The following IL17RB variants were observed in gnomAD, a reference collection of about 807,000 sequenced individuals.
IL17RB encodes the protein interleukin 17 receptor B, also known as interleukin-17 receptor B.
IL17RB carries 36 observed loss-of-function variants against 43.9 expected under a neutral mutation model. The observed-to-expected ratio is 0.82, with a 90% CI of 0.63 to 1.08. The LOEUF is 1.08. Among genes scored for constraint, IL17RB ranks in the 50% least tolerant of loss-of-function variants. The pLI is 0.00. For synonymous variants in IL17RB, 225 were observed against 225.4 expected (o/e 1.00, Z 0.02); for missense variants, 613 against 613.6 (o/e 1.00, Z 0.01).
intron 5 of IL17RB, 126 bp downstream of exon 5, chr3:53,853,123 T>G (rs989323193): frequency 1.9e-6 from 2 of 1,044,356 alleles, no homozygotes; most frequent in Non-Finnish European, 2.9e-6. Flanking sequence ...TTCCCTTATC[T>G]AAAGCATGGA....
rs534027641 is a variant in IL17RB, at chr3:53,860,143, G to A, written c.861G>A (p.Pro287=). ...PFPLDNNKSK[P]GGWLPLLLLS... ...TGTTTTTTCCAGACAAAAGCAAGCCGGGAGGCTGGCTGCCTCTCCTCCTGC... is the reference window on the plus strand; with the variant it reads ...TGTTTTTTCCAGACAAAAGCAAGCCAGGAGGCTGGCTGCCTCTCCTCCTGC... Residue 287 remains proline, a synonymous_variant, in exon 10 of 11, where the codon CCG becomes CCA. Coordinates refer to ENST00000288167, the MANE Select transcript of IL17RB (RefSeq NM_018725.4). The A allele has an allele frequency of 9.9e-6, 16 of 1,613,568 alleles. No homozygotes were observed. The highest frequency in any genetic ancestry group is 1.7e-4 in the Middle Eastern group (1 of 6,030).
At chr3:53,855,495 C>T (rs916556672) in intron 6 of IL17RB, among the ~76,000 whole-genome samples, 154 bp downstream of exon 6, 10 of 152,198 alleles carry the variant, frequency 6.6e-5, no homozygotes, top group Admixed American at 6.5e-4. Flanking sequence ...CCTATGGCTC[C>T]TGATCTCCAG....
intron 10 of IL17RB, chr3:53,861,655 G>C (rs1470791663): frequency 1.3e-5 from 2 of 152,210 alleles, no homozygotes; most frequent in Non-Finnish European, 2.9e-5. Flanking sequence ...AGAATTTAAT[G>C]CCAGTAAAGG....
At chr3:53,850,499 C>CAAA (rs57986255) in intron 3 of IL17RB, among the ~76,000 whole-genome samples, 14 of 81,892 alleles carry the variant, frequency 1.7e-4, no homozygotes, top group East Asian at 5.9e-4. Context: ...AACTCCGTCT[C>CAAA]AAAAAAAAAA....
Position 53,855,356 on chromosome 3 carries a change from C to A in IL17RB, c.529+15C>A. On this transcript the variant is annotated intron_variant, in intron 6 of 10. Transcript: ENST00000288167. The stretch of plus-strand genomic sequence containing the variant: ...TGTCAAGGCCGGTAAGTAAATACGG[C>A]ATTTGCTTTTATTATTTGAAGAAAC... 1.3e-6 allele frequency: 2 copies of A among 1,562,648 alleles called. No homozygotes were observed. The highest frequency in any genetic ancestry group is 1.4e-5 in the African/African-American group (1 of 73,906).
At chr3:53,854,227 A>C (rs576462542) in intron 5 of IL17RB, among the ~76,000 whole-genome samples, 2 of 152,270 alleles carry the variant, frequency 1.3e-5, no homozygotes, top group South Asian at 4.1e-4. Flanking sequence ...ATTTACAGAA[A>C]AGTTGCAAAG....
Position 53,851,872 on chromosome 3 carries a change from T to G in IL17RB, c.227-127T>G, listed in dbSNP as rs1206847649. Reference sequence around the variant, plus strand: ...TCTGTAAACTGGAGACAGTGGTGCCTACCTTTCAGTACTATTGTGAATATG... The same window carrying G: ...TCTGTAAACTGGAGACAGTGGTGCCGACCTTTCAGTACTATTGTGAATATG... On this transcript the variant is annotated intron_variant, in intron 3 of 10. Coordinates refer to ENST00000288167, the MANE Select transcript of IL17RB (RefSeq NM_018725.4). The G allele has an allele frequency of 3.7e-6, 4 of 1,080,514 alleles. No individual in the cohort carries two copies. The East Asian group carries it at 1.0e-4, about 28-fold the overall frequency. The allele number at this position is 1,080,514 out of a possible 1,614,324, so 66.9% of individuals were successfully genotyped here. A position where few individuals can be genotyped will look rare whatever the true frequency, so the allele number is the denominator to read the frequency against.
At chr3:53,851,962 G>A in intron 3 of IL17RB, 37 bp from the exon 4 acceptor site, 1 of 1,613,266 alleles carries the variant, frequency 6.2e-7, no homozygotes, top group Non-Finnish European at 8.5e-7. Context: ...CACAGCAAGT[G>A]CTAAATAAAC....
intron 8 of IL17RB, chr3:53,857,920 A>G: frequency 1.9e-6 from 1 of 526,704 alleles, no homozygotes; most frequent in East Asian, 3.1e-5. Context: ...TGACCTTCCA[A>G]AGCACTTTTT....
At chr3:53,863,722 C>T (rs1361811924) in intron 10 of IL17RB, among the ~76,000 whole-genome samples, 1 of 152,122 alleles carries the variant, frequency 6.6e-6, no homozygotes, top group Non-Finnish European at 1.5e-5. Flanking sequence ...CAAGCAACTA[C>T]CTAATTGACC....
chr3:53,864,265 G>A (rs889178991), intron 10 of IL17RB, among the ~76,000 whole-genome samples: 1 of 152,200 alleles, frequency 6.6e-6, no homozygotes, highest in African/African-American at 2.4e-5. Context: ...GGCAGGGTGC[G>A]GTGGCTCACG....
At position 53,865,305 on chromosome 3, in the gene IL17RB, G is replaced by A. The variant is rs1268277931; in HGVS notation, c.1506G>A (p.Leu502=). Residue 502 remains leucine, a synonymous_variant, in exon 11 of 11, where the codon TTG becomes TTA. Coordinates refer to ENST00000288167, the MANE Select transcript of IL17RB (RefSeq NM_018725.4). ...SQACHDGCCS[L] is the part of the protein sequence containing the mutation. ...CCTGCCACGATGGCTGCTGCTCCTT[G>A]TAGCCCACCCATGAGAAGCAAGAGA... 1 of 1,601,014 alleles carries A rather than the reference G, an allele frequency of 6.2e-7. No individual in the cohort carries two copies. The highest frequency in any genetic ancestry group is 1.7e-5 in the Admixed American group (1 of 59,836).
chr3:53,865,200 C>T lies in IL17RB; in HGVS notation c.1401C>T (p.His467=). ...YNALSVCPKY[H]LMKDATAFCA... is the part of the protein sequence containing the mutation. ...CTCTCAGTGTCTGCCCCAAGTACCACCTCATGAAGGATGCCACTGCTTTCT... is the reference window on the plus strand; with the variant it reads ...CTCTCAGTGTCTGCCCCAAGTACCATCTCATGAAGGATGCCACTGCTTTCT... Residue 467 remains histidine, a synonymous_variant, in exon 11 of 11, where the codon CAC becomes CAT. Transcript: ENST00000288167. 6.2e-7 allele frequency: 1 copy of T among 1,614,054 alleles called. No individual in the cohort carries two copies. Among genetic ancestry groups the T allele is most frequent in the Non-Finnish European group, 8.5e-7 (1 of 1,179,996 alleles).
At position 53,865,418 on chromosome 3, in the gene IL17RB, A is replaced by T; in HGVS notation, c.*110A>T. 1.3e-6 allele frequency: 1 copy of T among 796,136 alleles called. No individual in the cohort carries two copies. The highest frequency in any genetic ancestry group is 1.9e-6 in the Non-Finnish European group (1 of 526,392). 49.3% of individuals were successfully genotyped at this position (796,136 alleles called of 1,614,324 possible). On this transcript the variant is annotated 3_prime_UTR_variant, in exon 11 of 11. Coordinates refer to ENST00000288167, the MANE Select transcript of IL17RB (RefSeq NM_018725.4). The stretch of plus-strand genomic sequence containing the variant: ...TATGCAGCCTACAAACAGCCTTAGT[A>T]ATTAAAACATTTTATACCAATAAAA...
chr3:53,858,990 A>C (rs911427233), intron 9 of IL17RB, 172 bp downstream of exon 9: 47 of 515,748 alleles, frequency 9.1e-5, no homozygotes, highest in African/African-American at 8.8e-4. Context: ...GAGAACCTAG[A>C]ATCTGAGTAA....
At chr3:53,852,209 A>G in intron 4 of IL17RB, 83 bp downstream of exon 4, 1 of 1,246,796 alleles carries the variant, frequency 8.0e-7, no homozygotes, top group African/African-American at 1.5e-5. Flanking sequence ...TGGTGCGATC[A>G]TGGCTCACTG....
intron 1 of IL17RB, among the ~76,000 whole-genome samples, chr3:53,847,648 G>T (rs1485441748): frequency 6.6e-6 from 1 of 152,012 alleles, no homozygotes; most frequent in Non-Finnish European, 1.5e-5. Flanking sequence ...ACAAAAAGTA[G>T]CCGGGCATGG....
chr3:53,846,608 G>T lies in IL17RB; in HGVS notation c.20G>T (p.Ser7Ile). Residue 7 changes from serine (S) to isoleucine (I), a missense_variant, in exon 1 of 11, where the codon AGC (serine) becomes ATC (isoleucine). Ser to Ile is a moderately radical substitution (Grantham distance 142). Transcript: ENST00000288167. ...CCGGCGATGTCGCTCGTGCTGCTAA[G>T]CCTGGCCGCGCTGTGCAGGAGCGCC... MSLVLL[S>I]LAALCRSAVP... The T allele has an allele frequency of 6.3e-7, 1 of 1,591,224 alleles. No individual in the cohort carries two copies. Among genetic ancestry groups the T allele is most frequent in the Non-Finnish European group, 8.5e-7 (1 of 1,172,478 alleles).
At chr3:53,853,052 G>A (rs1024284297) in intron 5 of IL17RB, 55 bp downstream of exon 5, 17 of 1,605,890 alleles carry the variant, frequency 1.1e-5, no homozygotes, top group Middle Eastern at 1.8e-4. Context: ...CCTGCTTTGC[G>A]ATATGCACAG....
Sources: allele counts gnomAD v4.1 joint callset (sites outside exome capture counted in the v4.1 genomes callset), GRCh38; gene constraint gnomAD v4.1.1; transcripts MANE v1.5; gene names NCBI Gene and HGNC (gene_info 2026-07-23, HGNC 2026-07-21).